CHRM3: variants seen among roughly 807,000 people sequenced by gnomAD.
CHRM3 encodes the protein cholinergic receptor muscarinic 3.
Under a neutral mutation model 41.8 loss-of-function variants are expected in CHRM3, and 11 were observed. The ratio of observed to expected loss-of-function variants is 0.26; its 90% CI spans 0.17 to 0.44. The LOEUF is 0.44. Among genes scored for constraint, CHRM3 ranks in the 20% least tolerant of loss-of-function variants. The pLI, the probability that CHRM3 is intolerant of heterozygous loss-of-function variation, is 1.00. For missense variants in CHRM3, 571 were observed against 745.4 expected, an observed-to-expected ratio of 0.77 and a Z score of 2.72; for synonymous variants, 297 against 301.4, an observed-to-expected ratio of 0.99 and a Z score of 0.15.
chr1:239,731,912 C>A (rs1229876093), intron 5 of CHRM3, among the ~76,000 whole-genome samples: 4 of 151,926 alleles, frequency 2.6e-5, no homozygotes, highest in Non-Finnish European at 5.9e-5. Flanking sequence ...TTTTTAAATA[C>A]ATATTAAGCT....
intron 3 of CHRM3, among the ~76,000 whole-genome samples, chr1:239,606,823 A>G (rs1379886475): frequency 6.6e-6 from 1 of 152,130 alleles, no homozygotes; most frequent in Non-Finnish European, 1.5e-5. Context: ...TTCTAATGGA[A>G]ACTTCTAAAT....
chr1:239,677,080 A>G (rs1658077494), intron 4 of CHRM3, among the ~76,000 whole-genome samples: 1 of 151,996 alleles, frequency 6.6e-6, no homozygotes, highest in African/African-American at 2.4e-5. Flanking sequence ...TACACTGCAT[A>G]CAAGACTCAG....
chr1:239,444,587 A>G (rs185304959), intron 1 of CHRM3, among the ~76,000 whole-genome samples: 28 of 152,252 alleles, frequency 1.8e-4, no homozygotes, highest in African/African-American at 5.8e-4. Context: ...AAAGGAAGGT[A>G]TAAGACTGGA....
intron 6 of CHRM3, among the ~76,000 whole-genome samples, chr1:239,869,778 C>T (rs976327996): frequency 2.0e-5 from 3 of 152,134 alleles, no homozygotes; most frequent in African/African-American, 2.4e-5. Context: ...GGAGAAGCTG[C>T]GTCTAAATTT....
At chr1:239,514,059 T>C (rs1387829209) in intron 2 of CHRM3, among the ~76,000 whole-genome samples, 1 of 152,170 alleles carries the variant, frequency 6.6e-6, no homozygotes, top group Non-Finnish European at 1.5e-5. Flanking sequence ...AGCTTTGAAG[T>C]TGGGTAATGC....
At position 239,637,351 on chromosome 1, in the gene CHRM3, C is replaced by T. The variant is rs565811787; in HGVS notation, c.-250+5065C>T. ...ATTCCTGATCATTTCCAGTATTTCA[C>T]GTTAAAAATTTTAATATTGATGAAG... On this transcript the variant is annotated intron_variant, in intron 4 of 6. Transcript: ENST00000676153. Among the ~76,000 whole-genome samples the T allele has an allele frequency of 2.2e-3, 329 of 152,004 alleles. 3 individuals are homozygous for T. Among genetic ancestry groups the T allele is most frequent in the African/African-American group, 7.5e-3 (313 of 41,490 alleles).
intron 3 of CHRM3, among the ~76,000 whole-genome samples, chr1:239,609,252 T>C (rs1034096047): frequency 1.3e-5 from 2 of 152,230 alleles, no homozygotes; most frequent in Non-Finnish European, 2.9e-5. Context: ...ATAAAAACTG[T>C]ACTCTTTTTT....
intron 6 of CHRM3, among the ~76,000 whole-genome samples, chr1:239,855,128 C>T (rs1479078197): frequency 6.6e-6 from 1 of 152,136 alleles, no homozygotes; most frequent in Non-Finnish European, 1.5e-5. Context: ...CATATTCCAC[C>T]TTGCTAGCCG....
intron 5 of CHRM3, among the ~76,000 whole-genome samples, chr1:239,823,158 A>T (rs1479956088): frequency 6.6e-6 from 1 of 152,230 alleles, no homozygotes; most frequent in Non-Finnish European, 1.5e-5. Flanking sequence ...CATTTTATAC[A>T]TTTTAAATTA....
At chr1:239,470,447 C>G (rs1033173699) in intron 1 of CHRM3, among the ~76,000 whole-genome samples, 80 of 152,180 alleles carry the variant, frequency 5.3e-4, no homozygotes, top group Non-Finnish European at 1.0e-3. Context: ...TTCACACCCC[C>G]CCACTCTTTT....
chr1:239,670,402 A>G (rs1462290343), intron 4 of CHRM3, among the ~76,000 whole-genome samples: 1 of 152,184 alleles, frequency 6.6e-6, no homozygotes, highest in Non-Finnish European at 1.5e-5. Context: ...TGAAATTTAC[A>G]TATATTGTGA....
At position 239,662,105 on chromosome 1, in the gene CHRM3, A is replaced by AT. The variant is rs1491575757; in HGVS notation, c.-249-16080dup. 2.8e-5 allele frequency among the ~76,000 whole-genome samples: 4 copies of AT among 144,832 alleles called. No homozygotes were observed. The East Asian group carries it at 8.3e-4, about 30-fold the overall frequency. On this transcript the variant is annotated intron_variant, in intron 4 of 6. Coordinates refer to ENST00000676153, the MANE Select transcript of CHRM3 (RefSeq NM_001375978.1). ...AAGGAAATATCTGTTTCAGTTTTAG[A>AT]TGTGTGTGTGTGTGTGTGTGTGTGT...
At chr1:239,821,672 AGTTTAAATTTAGCTG>A (rs1672063563) in intron 5 of CHRM3, among the ~76,000 whole-genome samples, 1 of 152,210 alleles carries the variant, frequency 6.6e-6, no homozygotes, top group Non-Finnish European at 1.5e-5. Flanking sequence ...ACTTTATTGA[AGTTTAAATTTAGCTG>A]GAACAGAATT....
chr1:239,817,307 C>A (rs1324974874), intron 5 of CHRM3, among the ~76,000 whole-genome samples: 1 of 152,146 alleles, frequency 6.6e-6, no homozygotes, highest in Non-Finnish European at 1.5e-5. Context: ...CTGTTTAAAT[C>A]CAGGCTAGCT....
intron 6 of CHRM3, among the ~76,000 whole-genome samples, chr1:239,901,327 T>A (rs1003253740): frequency 1.3e-5 from 2 of 151,618 alleles, no homozygotes; most frequent in African/African-American, 4.9e-5. Flanking sequence ...TTCGGAAACT[T>A]TGGGATTTTT....
rs34845397 is a variant in CHRM3 at position 239,715,259 on chromosome 1, A to C, written c.-147+36971A>C. ...TGATTGGGTACACACTACATATTTTAAGTAGTTAGAACATAAAAGGACAGA... is the reference window on the plus strand; with the variant it reads ...TGATTGGGTACACACTACATATTTTCAGTAGTTAGAACATAAAAGGACAGA... On this transcript the variant is annotated intron_variant, in intron 5 of 6. Coordinates refer to ENST00000676153, the MANE Select transcript of CHRM3 (RefSeq NM_001375978.1). 4.0e-3 allele frequency among the ~76,000 whole-genome samples: 608 copies of C among 152,284 alleles called. 1 individual carries two copies. The highest frequency in any genetic ancestry group is 7.5e-3 in the Admixed American group (115 of 15,282).
At chr1:239,760,132 A>G (rs1170295055) in intron 5 of CHRM3, among the ~76,000 whole-genome samples, 2 of 150,040 alleles carry the variant, frequency 1.3e-5, no homozygotes, top group African/African-American at 2.5e-5. Context: ...TCACCGTGTT[A>G]GCCAGGATGG....
intron 2 of CHRM3, among the ~76,000 whole-genome samples, chr1:239,543,526 G>C (rs901028045): frequency 7.4e-6 from 1 of 135,670 alleles, no homozygotes; most frequent in South Asian, 2.4e-4. Context: ...TTTTTTTTTT[G>C]TGATGGAGTC....
intron 1 of CHRM3, among the ~76,000 whole-genome samples, chr1:239,423,811 T>C (rs566144239): frequency 6.3e-4 from 96 of 151,958 alleles, no homozygotes; most frequent in African/African-American, 2.2e-3. Context: ...AACCCAGCAC[T>C]TTGTGGGGCC....
Sources: gnomAD v4.1 joint callset for allele counts (sites outside exome capture counted in the v4.1 genomes callset) on GRCh38, gnomAD v4.1.1 for gene constraint, MANE v1.5 for transcripts, NCBI Gene and HGNC (gene_info 2026-07-23, HGNC 2026-07-21) for gene names.